Variants in LCP2 observed in about 807,000 individuals in gnomAD.
The protein encoded by LCP2 is lymphocyte cytosolic protein 2.
LCP2 carries 29 observed loss-of-function variants against 74.5 expected under a neutral mutation model. That is an observed-to-expected ratio of 0.39 (90% CI 0.29 to 0.53). The LOEUF is 0.53. LCP2 is among the 20% of genes least tolerant of loss of function. The pLI is 0.72. For missense variants in LCP2, 604 were observed against 634.6 expected, an observed-to-expected ratio of 0.95 and a Z score of 0.52; for synonymous variants, 228 against 229.5, an observed-to-expected ratio of 0.99 and a Z score of 0.06.
intron 17 of LCP2, 77 bp from the exon 18 acceptor site, chr5:170,253,290 C>G: frequency 1.1e-6 from 1 of 919,546 alleles, no homozygotes; most frequent in South Asian, 1.6e-5. Flanking sequence ...AAACACATTC[C>G]CCCCACTCCC....
At chr5:170,260,712 C>A (rs1313889740) in intron 14 of LCP2, among the ~76,000 whole-genome samples, 1 of 152,224 alleles carries the variant, frequency 6.6e-6, no homozygotes, top group African/African-American at 2.4e-5. Flanking sequence ...TCAAGAAATG[C>A]TATTTCCCCT....
chr5:170,267,016 C>T lies in LCP2; in HGVS notation c.681G>A (p.Thr227=), dbSNP rs751279542. 8.7e-6 allele frequency: 14 copies of T among 1,613,754 alleles called. No homozygotes were observed. In the South Asian group the frequency reaches 1.1e-4, roughly 13 times the overall value. Reference sequence around the variant, plus strand: ...AGCAGCCCTTGTACTCACGCTTTGCCGTTTTGTGGTTTCTGCTTCTGCTGG... The same window carrying T: ...AGCAGCCCTTGTACTCACGCTTTGCTGTTTTGTGGTTTCTGCTTCTGCTGG... The part of the protein sequence containing the change: ...EEPSRSRNHK[T]AKLPAPSIDR... The change falls in exon 9 of 21, where the codon ACG becomes ACA. Residue 227 remains threonine (T), a synonymous_variant. Coordinates refer to ENST00000046794, the MANE Select transcript of LCP2 (RefSeq NM_005565.5).
chr5:170,266,748 A>G, intron 10 of LCP2, 60 bp downstream of exon 10: 1 of 1,401,778 alleles, frequency 7.1e-7, no homozygotes, highest in East Asian at 2.3e-5. Context: ...AAACGTATGC[A>G]GGAAGCACTT....
At position 170,247,516 on chromosome 5, in the gene LCP2, A is replaced by G. The variant is rs1355934089; in HGVS notation, c.*1181T>C. 1.3e-5 allele frequency: 2 copies of G among 152,274 alleles called. No individual in the cohort carries two copies. Among genetic ancestry groups the G allele is most frequent in the Non-Finnish European group, 2.9e-5 (2 of 68,048 alleles). The allele number at this position is 152,274 out of a possible 1,614,324, so 9.4% of individuals were successfully genotyped here. A position where few individuals can be genotyped will look rare whatever the true frequency, so the allele number is the denominator to read the frequency against. On this transcript the variant is annotated 3_prime_UTR_variant, in exon 21 of 21. Coordinates refer to ENST00000046794, the MANE Select transcript of LCP2 (RefSeq NM_005565.5). ...AATTGTTGCTAATAAAAGTTGTGCAATAACAACCAAGGTCCCAAAGGGAAA... is the reference window on the plus strand; with the variant it reads ...AATTGTTGCTAATAAAAGTTGTGCAGTAACAACCAAGGTCCCAAAGGGAAA...
At chr5:170,257,369 T>C (rs952250683) in intron 16 of LCP2, among the ~76,000 whole-genome samples, 2 of 151,998 alleles carry the variant, frequency 1.3e-5, no homozygotes, top group African/African-American at 4.8e-5. Context: ...TAGGAGTTGG[T>C]GGGGGTAGAT....
chr5:170,263,014 T>A, intron 10 of LCP2, 22 bp from the exon 11 acceptor site: 1 of 1,613,428 alleles, frequency 6.2e-7, no homozygotes, highest in Non-Finnish European at 8.5e-7. Context: ...AGAGAGCAGA[T>A]GGGCCATGAG....
At chr5:170,285,782 T>C (rs750459002) in intron 3 of LCP2, among the ~76,000 whole-genome samples, 4 of 152,172 alleles carry the variant, frequency 2.6e-5, no homozygotes, top group African/African-American at 7.2e-5. Flanking sequence ...TGGACTGATC[T>C]GTGCTTTGCT....
At chr5:170,281,998 G>T (rs552671324) in intron 3 of LCP2, among the ~76,000 whole-genome samples, 3 of 152,126 alleles carry the variant, frequency 2.0e-5, no homozygotes, top group Non-Finnish European at 2.9e-5. Flanking sequence ...TAACCAGACC[G>T]TTGTCAGCTG....
At chr5:170,271,005 C>A in intron 6 of LCP2, 88 bp from the exon 7 acceptor site, 1 of 1,195,362 alleles carries the variant, frequency 8.4e-7, no homozygotes, top group South Asian at 1.5e-5. Flanking sequence ...TGCCAAGCCT[C>A]ACAACAGTAT....
intron 6 of LCP2, among the ~76,000 whole-genome samples, chr5:170,272,753 C>T (rs1261697737): frequency 6.6e-6 from 1 of 151,410 alleles, no homozygotes; most frequent in Non-Finnish European, 1.5e-5. Flanking sequence ...GCTGGGACTA[C>T]AGGCACGCAC....
Position 170,247,517 on chromosome 5 carries a change from T to C in LCP2, c.*1180A>G, listed in dbSNP as rs1037881724. Reference sequence around the variant, plus strand: ...ATTGTTGCTAATAAAAGTTGTGCAATAACAACCAAGGTCCCAAAGGGAAAA... The same window carrying C: ...ATTGTTGCTAATAAAAGTTGTGCAACAACAACCAAGGTCCCAAAGGGAAAA... On this transcript the variant is annotated 3_prime_UTR_variant, in exon 21 of 21. Transcript: ENST00000046794. The C allele has an allele frequency of 2.0e-5, 3 of 152,198 alleles. No individual in the cohort carries two copies. The highest frequency in any genetic ancestry group is 7.2e-5 in the African/African-American group (3 of 41,458). The allele number at this position is 152,198 out of a possible 1,614,324, so 9.4% of individuals were successfully genotyped here.
chr5:170,296,374 T>C (rs1367328996), intron 1 of LCP2, among the ~76,000 whole-genome samples: 1 of 152,176 alleles, frequency 6.6e-6, no homozygotes, highest in Non-Finnish European at 1.5e-5. Context: ...ATTTTCTTCT[T>C]CAGGTTGGGG....
chr5:170,296,722 C>A (rs1762392058), intron 1 of LCP2, among the ~76,000 whole-genome samples: 1 of 152,168 alleles, frequency 6.6e-6, no homozygotes, highest in Non-Finnish European at 1.5e-5. Flanking sequence ...TGCCAATGAC[C>A]AAGCACAGGG....
chr5:170,295,416 T>C (rs1762357106), intron 1 of LCP2, among the ~76,000 whole-genome samples: 1 of 152,198 alleles, frequency 6.6e-6, no homozygotes, highest in Admixed American at 6.5e-5. Flanking sequence ...TTTGCTTTAA[T>C]CCTCACAACC....
chr5:170,278,047 G>A, intron 3 of LCP2, among the ~76,000 whole-genome samples: 1 of 151,178 alleles, frequency 6.6e-6, no homozygotes, highest in Non-Finnish European at 1.5e-5. Flanking sequence ...AGAAGACGAT[G>A]GGCATGTGGG....
intron 2 of LCP2, among the ~76,000 whole-genome samples, chr5:170,289,625 CTTT>C (rs1762244841): frequency 4.3e-5 from 4 of 92,872 alleles, no homozygotes; most frequent in Admixed American, 1.1e-4. Context: ...CTTTTTCTTT[CTTT>C]CTTTCTTTCT....
chr5:170,276,319 C>G (rs1475535451), intron 3 of LCP2, among the ~76,000 whole-genome samples: 1 of 151,624 alleles, frequency 6.6e-6, no homozygotes, highest in Non-Finnish European at 1.5e-5. Flanking sequence ...CATCTAGACC[C>G]ACAGGAATCA....
intron 17 of LCP2, among the ~76,000 whole-genome samples, chr5:170,254,222 C>G (rs778860978): frequency 2.0e-5 from 3 of 152,094 alleles, no homozygotes; most frequent in Non-Finnish European, 4.4e-5. Flanking sequence ...AGTGGCAAAG[C>G]CAAAACTTAA....
intron 16 of LCP2, among the ~76,000 whole-genome samples, chr5:170,257,195 T>G (rs1157952207): frequency 6.6e-6 from 1 of 151,918 alleles, no homozygotes; most frequent in African/African-American, 2.4e-5. Context: ...CTTGTGTGAG[T>G]GGGATTTTGT....
Sources: allele counts gnomAD v4.1 joint callset (sites outside exome capture counted in the v4.1 genomes callset), GRCh38; gene constraint gnomAD v4.1.1; transcripts MANE v1.5; gene names NCBI Gene and HGNC (gene_info 2026-07-23, HGNC 2026-07-21).